Variants in POLR3E observed in about 807,000 individuals in gnomAD.
The protein encoded by POLR3E is DNA-directed RNA polymerase III subunit RPC5.
POLR3E carries 41 observed loss-of-function variants against 96.6 expected under a neutral mutation model. The observed-to-expected ratio is 0.42, with a 90% CI of 0.33 to 0.55. The LOEUF (loss-of-function observed/expected upper bound fraction) is 0.55. Among genes scored for constraint, POLR3E ranks in the 20% least tolerant of loss-of-function variants. The pLI, the probability that POLR3E is intolerant of heterozygous loss-of-function variation, is 0.06. For synonymous variants in POLR3E, 396 were observed against 383.6 expected, an observed-to-expected ratio of 1.03 and a Z score of -0.38; for missense variants, 849 against 952.1, an observed-to-expected ratio of 0.89 and a Z score of 1.43.
chr16:22,329,544 C>A (rs74012312), intron 19 of POLR3E, among the ~76,000 whole-genome samples: 2,328 of 152,256 alleles, frequency 0.015, 66 homozygotes, highest in African/African-American at 0.053. Flanking sequence ...CCACTGAGCT[C>A]TCTGTCCCCA....
At position 22,333,826 on chromosome 16, in the gene POLR3E, C is replaced by T. The variant is rs1187075779; in HGVS notation, c.*126C>T. ...GAACTGACCATCTCATGACCTGTGG[C>T]ATTGCACGGTGCAGTGGACAGAAGG... On this transcript the variant is annotated 3_prime_UTR_variant, in exon 21 of 21. Coordinates refer to ENST00000299853, the MANE Select transcript of POLR3E (RefSeq NM_018119.4). 14 of 700,820 alleles carry T rather than the reference C, an allele frequency of 2.0e-5. No individual in the cohort carries two copies. The highest frequency in any genetic ancestry group is 3.4e-5 in the Non-Finnish European group (13 of 382,726). 43.4% of individuals were successfully genotyped at this position (700,820 alleles called of 1,614,324 possible). A position where few individuals can be genotyped will look rare whatever the true frequency, so the allele number is the denominator to read the frequency against.
In POLR3E at chr16:22,318,716, A is replaced by G. The variant is rs1036203480; in HGVS notation, c.866-110A>G. On this transcript the variant is annotated intron_variant, in intron 12 of 20. Coordinates refer to ENST00000299853, the MANE Select transcript of POLR3E (RefSeq NM_018119.4). This position sits in a 1 kb window ranked among gnomAD's most constrained non-coding sequence, Gnocchi z 5.0. ...ATGATGGGTGTCATTACTGTTAGTT[A>G]TCACATTCTGGGGTTATTACATGAA... 62 of 1,159,600 alleles carry G rather than the reference A, an allele frequency of 5.3e-5. No homozygotes were observed. Among genetic ancestry groups the G allele is most frequent in the Non-Finnish European group, 7.4e-5 (60 of 807,718 alleles). The allele number at this position is 1,159,600 out of a possible 1,614,324, so 71.8% of individuals were successfully genotyped here. A position where few individuals can be genotyped will look rare whatever the true frequency, so the allele number is the denominator to read the frequency against.
chr16:22,305,747 C>G (rs1294155062), intron 3 of POLR3E, among the ~76,000 whole-genome samples: 2 of 152,098 alleles, frequency 1.3e-5, no homozygotes, highest in African/African-American at 2.4e-5. Context: ...TACCTCTGCC[C>G]CCTCCCCTTG....
rs541657475 is a variant in POLR3E, at chr16:22,313,082, C to G, written c.365-538C>G. Among the ~76,000 whole-genome samples the G allele has an allele frequency of 6.6e-6, 1 of 151,474 alleles. No homozygotes were observed. Among genetic ancestry groups the G allele is most frequent in the Non-Finnish European group, 1.5e-5 (1 of 67,992 alleles). On this transcript the variant is annotated intron_variant, in intron 6 of 20. Transcript: ENST00000299853. The surrounding 1 kb of genome is among the most constrained non-coding windows in gnomAD (Gnocchi z 4.1). ...TTGCAGCGGGAGGGAAAGTCATGAT[C>G]TTTATCAGAGGCCATGTGGACACTC...
chr16:22,310,340 G>A, intron 6 of POLR3E: 1 of 153,790 alleles, frequency 6.5e-6, no homozygotes, highest in Non-Finnish European at 1.4e-5. Flanking sequence ...AGGCTGGAGT[G>A]CAGTGGCACA....
At position 22,324,604 on chromosome 16, in the gene POLR3E, G is replaced by C; in HGVS notation, c.1230G>C (p.Lys410Asn). 2.5e-6 allele frequency: 4 copies of C among 1,613,826 alleles called. No individual in the cohort carries two copies. The highest frequency in any genetic ancestry group is 1.6e-4 in the Middle Eastern group (1 of 6,062). ...TGCCTTATGATGGGGAGTTCATCAA[G>C]AAGCACCCGGATGTGGTCCAGCGGC... is the stretch of plus-strand genomic sequence containing the variant. Reference protein sequence around the residue: ...FILPYDGEFIKKHPDVVQRQH... With the variant: ...FILPYDGEFINKHPDVVQRQH... The change falls in exon 16 of 21, where the codon AAG (lysine) becomes AAC (asparagine). Residue 410 changes from lysine to asparagine, a missense_variant. By Grantham distance (94) the Lys-to-Asn change is moderately conservative. Coordinates refer to ENST00000299853, the MANE Select transcript of POLR3E (RefSeq NM_018119.4).
At chr16:22,323,077 T>C in intron 14 of POLR3E, 146 bp downstream of exon 14, 1 of 579,448 alleles carries the variant, frequency 1.7e-6, no homozygotes. Context: ...TTTCTCCTCC[T>C]TCCTCTCAGA....
In POLR3E at chr16:22,305,233, G is replaced by C. The variant is rs779720490; in HGVS notation, c.87+27G>C. ...TAATTATGGGACTTGAAGGTAAAGAGGGGAGAAGCAGGTGTGGGTGGGTGG... is the reference window on the plus strand; with the variant it reads ...TAATTATGGGACTTGAAGGTAAAGACGGGAGAAGCAGGTGTGGGTGGGTGG... On this transcript the variant is annotated intron_variant, in intron 3 of 20. Coordinates refer to ENST00000299853, the MANE Select transcript of POLR3E (RefSeq NM_018119.4). 2.6e-6 allele frequency: 4 copies of C among 1,568,156 alleles called. No homozygotes were observed. The African/African-American group carries it at 4.1e-5, about 16-fold the overall frequency.
At chr16:22,321,943 C>T (rs562823863) in intron 13 of POLR3E, among the ~76,000 whole-genome samples, 8 of 152,338 alleles carry the variant, frequency 5.3e-5, no homozygotes, top group South Asian at 2.1e-4. Flanking sequence ...CTAGACTGCT[C>T]GTTCTGTGCC....
chr16:22,312,411 C>T (rs926507598), intron 6 of POLR3E, among the ~76,000 whole-genome samples: 6 of 152,050 alleles, frequency 3.9e-5, no homozygotes, highest in African/African-American at 9.7e-5. Context: ...GCAGGAGAAT[C>T]GCTTGAACTC....
At chr16:22,315,367 G>A (rs1454786769) in intron 9 of POLR3E, among the ~76,000 whole-genome samples, 159 bp downstream of exon 9, 1 of 152,166 alleles carries the variant, frequency 6.6e-6, no homozygotes, top group Non-Finnish European at 1.5e-5. Context: ...CACTCCAGCC[G>A]AGCCACTTAG....
intron 9 of POLR3E, 139 bp downstream of exon 9, chr16:22,315,347 GT>G: frequency 1.1e-6 from 1 of 907,314 alleles, no homozygotes; most frequent in East Asian, 2.8e-5. Flanking sequence ...CCTGTGGGCA[GT>G]TTACACTTCA....
chr16:22,309,999 A>G (rs928975492), intron 6 of POLR3E: 3 of 164,992 alleles, frequency 1.8e-5, no homozygotes, highest in African/African-American at 7.1e-5. Context: ...TGGTCCATTC[A>G]CGCAATGGGA....
chr16:22,328,272 C>A, intron 18 of POLR3E: 1 of 539,310 alleles, frequency 1.9e-6, no homozygotes, highest in Non-Finnish European at 3.3e-6. Flanking sequence ...GCCCATCACA[C>A]TCCCCCTCTC....
At chr16:22,328,200 CAG>C (rs2048648313) in intron 18 of POLR3E, 1 of 279,476 alleles carries the variant, frequency 3.6e-6, no homozygotes, top group South Asian at 7.0e-5. Flanking sequence ...TGATGGGAAA[CAG>C]ACGCAGCTTC....
At position 22,322,835 on chromosome 16, in the gene POLR3E, C is replaced by A; in HGVS notation, c.987-15C>A. 1 of 1,599,846 alleles carries A rather than the reference C, an allele frequency of 6.3e-7. No homozygotes were observed. The highest frequency in any genetic ancestry group is 8.6e-7 in the Non-Finnish European group (1 of 1,167,864). ...AGGGCAGGGACTGACCTGCCATCCT[C>A]ACCTGCATTGGCAGTGACATCCTAT... is the stretch of plus-strand genomic sequence containing the variant. On this transcript the variant is annotated splice_polypyrimidine_tract_variant and intron_variant, in intron 13 of 20. Coordinates refer to ENST00000299853, the MANE Select transcript of POLR3E (RefSeq NM_018119.4). The surrounding 1 kb of genome is among the most constrained non-coding windows in gnomAD (Gnocchi z 5.2).
In POLR3E at chr16:22,302,912, C is replaced by G. The variant is rs2048055606; in HGVS notation, c.-38-19C>G. ...TGGTTGAACGACTGATGGTCCCAGT[C>G]TCTCGCCCTCCTTTGCAGATCGAGC... On this transcript the variant is annotated intron_variant, in intron 1 of 20. Coordinates refer to ENST00000299853, the MANE Select transcript of POLR3E (RefSeq NM_018119.4). The G allele has an allele frequency of 6.5e-7, 1 of 1,532,198 alleles. No individual in the cohort carries two copies. The highest frequency in any genetic ancestry group is 1.1e-5 in the South Asian group (1 of 89,454). The allele number at this position is 1,532,198 out of a possible 1,614,324, so 94.9% of individuals were successfully genotyped here. A position where few individuals can be genotyped will look rare whatever the true frequency, so the allele number is the denominator to read the frequency against.
chr16:22,332,111 A>C lies in POLR3E; in HGVS notation c.1996A>C (p.Asn666His). 1 of 1,613,802 alleles carries C rather than the reference A, an allele frequency of 6.2e-7. No individual in the cohort carries two copies. Among genetic ancestry groups the C allele is most frequent in the South Asian group, 1.1e-5 (1 of 91,082 alleles). The change falls in exon 20 of 21, where the codon AAC becomes CAC. Residue 666 changes from asparagine (N) to histidine (H), a missense_variant. Asn to His is a moderately conservative substitution (Grantham distance 68). Transcript: ENST00000299853. ...IFSKNYRVRR[N>H]MIQSRLTQEC... The stretch of plus-strand genomic sequence containing the variant: ...TTCCAAAAATTACCGGGTACGCCGA[A>C]ACATGATCCAGTCTCGGTTGACTCA...
intron 3 of POLR3E, among the ~76,000 whole-genome samples, chr16:22,307,222 T>C (rs1051635249): frequency 6.6e-6 from 1 of 152,164 alleles, no homozygotes; most frequent in Non-Finnish European, 1.5e-5. Context: ...AAGCCAGGCC[T>C]GTGATTTCAG....
Sources: allele counts gnomAD v4.1 joint callset (sites outside exome capture counted in the v4.1 genomes callset), GRCh38; gene constraint gnomAD v4.1.1; non-coding constraint Gnocchi (gnomAD v3.1); transcripts MANE v1.5; gene names NCBI Gene and HGNC (gene_info 2026-07-23, HGNC 2026-07-21).